OPCML: variants seen among roughly 807,000 people sequenced by gnomAD.
The protein encoded by OPCML is opioid-binding protein/cell adhesion molecule.
In OPCML, 13 loss-of-function variants were observed where a neutral mutation model predicts 37.8. The ratio of observed to expected loss-of-function variants is 0.34; its 90% CI spans 0.22 to 0.55. OPCML has a LOEUF of 0.55. OPCML is among the 20% of genes least tolerant of loss of function. The pLI is 0.91. For missense variants in OPCML, 341 were observed against 435.6 expected, an observed-to-expected ratio of 0.78 and a Z score of 1.93; for synonymous variants, 176 against 168.8, an observed-to-expected ratio of 1.04 and a Z score of -0.33.
intron 2 of OPCML, among the ~76,000 whole-genome samples, chr11:132,725,504 A>G (rs1944846348): frequency 6.6e-6 from 1 of 152,026 alleles, no homozygotes; most frequent in Non-Finnish European, 1.5e-5. Context: ...CATTTTCCCC[A>G]TTGTCTTGGG....
At chr11:133,118,204 C>G in intron 1 of OPCML, 1 of 982,888 alleles carries the variant, frequency 1.0e-6, no homozygotes, top group Non-Finnish European at 1.2e-6. Flanking sequence ...GTGTAGGAGG[C>G]CCTGTTCTTT....
chr11:133,497,105 C>G (rs1337071509), intron 1 of OPCML, among the ~76,000 whole-genome samples: 4 of 152,146 alleles, frequency 2.6e-5, no homozygotes, highest in Admixed American at 6.6e-5. Flanking sequence ...GAGTTTTAAT[C>G]ATAAAGGGAT....
intron 1 of OPCML, among the ~76,000 whole-genome samples, chr11:133,323,514 G>A (rs746857161): frequency 1.3e-5 from 2 of 152,192 alleles, no homozygotes; most frequent in African/African-American, 2.4e-5. Context: ...GACCACCAAG[G>A]AAGGAAATGC....
chr11:132,472,894 G>A (rs192324423), intron 4 of OPCML, among the ~76,000 whole-genome samples: 20 of 152,336 alleles, frequency 1.3e-4, no homozygotes, highest in Admixed American at 7.8e-4. Context: ...TTTTAAAAAT[G>A]CCTCGTATGC....
rs182363558 is a variant in OPCML, at chr11:133,465,828, T to C, written c.61+66436A>G. ...CTAAGGAGGCAATCCATGCAAAATA[T>C]GTAGCCAACAAATGGCAGTTATCAT... On this transcript the variant is annotated intron_variant, in intron 1 of 7. Transcript: ENST00000524381. Among the ~76,000 whole-genome samples the C allele has an allele frequency of 2.4e-3, 361 of 152,324 alleles. 2 individuals carry two copies. Among genetic ancestry groups the C allele is most frequent in the African/African-American group, 8.2e-3 (342 of 41,578 alleles).
chr11:133,495,236 C>T (rs1455306909), intron 1 of OPCML, among the ~76,000 whole-genome samples: 1 of 152,204 alleles, frequency 6.6e-6, no homozygotes, highest in Admixed American at 6.5e-5. Flanking sequence ...GCCATTAATT[C>T]ATTCCTTTTT....
At chr11:133,083,231 T>C (rs1324475314) in intron 1 of OPCML, among the ~76,000 whole-genome samples, 2 of 152,164 alleles carry the variant, frequency 1.3e-5, no homozygotes, top group Non-Finnish European at 2.9e-5. Flanking sequence ...GCGGGTGCAC[T>C]GAGCGGCGGG....
intron 4 of OPCML, among the ~76,000 whole-genome samples, chr11:132,499,793 C>T (rs943368725): frequency 3.3e-5 from 5 of 152,204 alleles, no homozygotes; most frequent in Non-Finnish European, 7.3e-5. Flanking sequence ...AGGAAGAGCA[C>T]AGCTCATGTC....
intron 3 of OPCML, among the ~76,000 whole-genome samples, chr11:132,643,642 C>A (rs558011248): frequency 1.3e-5 from 2 of 152,174 alleles, no homozygotes; most frequent in Non-Finnish European, 2.9e-5. Context: ...TCAAGTTCTT[C>A]TTCCATCTCT....
At chr11:133,014,580 A>G (rs1263274650) in intron 1 of OPCML, among the ~76,000 whole-genome samples, 3 of 152,150 alleles carry the variant, frequency 2.0e-5, no homozygotes, top group African/African-American at 7.2e-5. Context: ...CCGAGACTGT[A>G]TGTCCATGCA....
At chr11:132,439,216 G>A (rs2096023528) in intron 4 of OPCML, among the ~76,000 whole-genome samples, 1 of 152,186 alleles carries the variant, frequency 6.6e-6, no homozygotes, top group African/African-American at 2.4e-5. Flanking sequence ...GCTGAAGGGT[G>A]CAGGGTGAAA....
chr11:132,943,263 T>G lies in OPCML; in HGVS notation c.62-253A>C. ...CGGGCTCTCCGGAGTCTGAGAATTC[T>G]TCCTCAGATCCTGCCTCAGCTTTCC... On this transcript the variant is annotated intron_variant, in intron 1 of 7. Coordinates refer to ENST00000524381, the MANE Select transcript of OPCML (RefSeq NM_001012393.5). This position sits in a 1 kb window ranked among gnomAD's most constrained non-coding sequence, Gnocchi z 4.3. The G allele has an allele frequency of 2.1e-6, 2 of 951,916 alleles. No individual in the cohort carries two copies. Among genetic ancestry groups the G allele is most frequent in the African/African-American group, 1.7e-5 (1 of 60,592 alleles). The allele number at this position is 951,916 out of a possible 1,614,324, so 59.0% of individuals were successfully genotyped here. A position where few individuals can be genotyped will look rare whatever the true frequency, so the allele number is the denominator to read the frequency against.
chr11:132,639,473 A>G (rs572979650), intron 3 of OPCML, among the ~76,000 whole-genome samples: 2 of 152,320 alleles, frequency 1.3e-5, no homozygotes, highest in Admixed American at 1.3e-4. Flanking sequence ...ATTCCCATAA[A>G]TCGCACTTAT....
chr11:132,520,367 A>G (rs1488950041), intron 4 of OPCML, among the ~76,000 whole-genome samples: 1 of 152,136 alleles, frequency 6.6e-6, no homozygotes, highest in Non-Finnish European at 1.5e-5. Context: ...TAACCTTTCC[A>G]TCTGTTTCCC....
At chr11:133,263,941 C>T (rs1429484827) in intron 1 of OPCML, among the ~76,000 whole-genome samples, 1 of 152,178 alleles carries the variant, frequency 6.6e-6, no homozygotes, top group Non-Finnish European at 1.5e-5. Flanking sequence ...TCCCATTACA[C>T]AGGCTGCTGT....
At chr11:132,875,941 A>T (rs1390262423) in intron 2 of OPCML, among the ~76,000 whole-genome samples, 2 of 152,248 alleles carry the variant, frequency 1.3e-5, no homozygotes, top group African/African-American at 4.8e-5. Context: ...CAGATGTTAA[A>T]AAATAATTGT....
intron 1 of OPCML, among the ~76,000 whole-genome samples, chr11:133,331,873 T>C (rs1002797640): frequency 6.6e-6 from 1 of 152,064 alleles, no homozygotes; most frequent in Admixed American, 6.6e-5. Flanking sequence ...CTTTTTCCAT[T>C]AAAAAAATTT....
At chr11:132,572,931 T>A (rs1430434630) in intron 3 of OPCML, among the ~76,000 whole-genome samples, 1 of 151,960 alleles carries the variant, frequency 6.6e-6, no homozygotes, top group Non-Finnish European at 1.5e-5. Context: ...CATTTATCGA[T>A]CTTTTGTAGT....
chr11:133,295,440 A>T (rs946824551), intron 1 of OPCML, among the ~76,000 whole-genome samples: 5 of 152,212 alleles, frequency 3.3e-5, no homozygotes, highest in African/African-American at 1.2e-4. Flanking sequence ...CATAGGCAGG[A>T]TCTGAAAGTA....
Sources: gnomAD v4.1 joint callset for allele counts (sites outside exome capture counted in the v4.1 genomes callset) on GRCh38, gnomAD v4.1.1 for gene constraint, Gnocchi (gnomAD v3.1) non-coding constraint, MANE v1.5 for transcripts, NCBI Gene and HGNC (gene_info 2026-07-23, HGNC 2026-07-21) for gene names.